The following FOXP4 variants were observed in gnomAD, a reference collection of about 807,000 sequenced individuals.
The protein encoded by FOXP4 is forkhead box protein P4.
FOXP4 carries 25 observed loss-of-function variants against 82.6 expected under a neutral mutation model. That is an observed-to-expected ratio of 0.30 (90% CI 0.22 to 0.42). FOXP4 has a LOEUF of 0.42. Ranked by LOEUF, FOXP4 falls within the 10% of genes least tolerant of loss-of-function variation. FOXP4 has a pLI of 1.00. For synonymous variants in FOXP4, 415 were observed against 388.2 expected (o/e 1.07, Z -0.81); for missense variants, 785 against 900.9 (o/e 0.87, Z 1.65).
chr6:41,589,864 GCTCCC>G lies in FOXP4; in HGVS notation c.1149+17_1149+21del. 1 of 1,610,816 alleles carries G rather than the reference GCTCCC, an allele frequency of 6.2e-7. No individual in the cohort carries two copies. Among genetic ancestry groups the G allele is most frequent in the Non-Finnish European group, 8.5e-7 (1 of 1,179,774 alleles). On this transcript the variant is annotated intron_variant, in intron 10 of 16. Transcript: ENST00000307972. The stretch of plus-strand genomic sequence containing the variant: ...GCCCTTCAGCCAGCCAGTGAGTGCT[GCTCCC>G]CTCCCCGCCCCTCCCAGAGCCTTCC...
At chr6:41,586,292 A>C (rs1766113760) in intron 5 of FOXP4, among the ~76,000 whole-genome samples, 5 of 148,062 alleles carry the variant, frequency 3.4e-5, no homozygotes, top group African/African-American at 5.0e-5. Context: ...CATGCTTCCC[A>C]CCCCCAGCAG....
At position 41,589,869 on chromosome 6, in the gene FOXP4, C is replaced by T. The variant is rs1445650539; in HGVS notation, c.1149+15C>T. On this transcript the variant is annotated intron_variant, in intron 10 of 16. Coordinates refer to ENST00000307972, the MANE Select transcript of FOXP4 (RefSeq NM_001012426.2). ...TCAGCCAGCCAGTGAGTGCTGCTCC[C>T]CTCCCCGCCCCTCCCAGAGCCTTCC... 1.2e-6 allele frequency: 2 copies of T among 1,610,444 alleles called. No homozygotes were observed. Among genetic ancestry groups the T allele is most frequent in the Non-Finnish European group, 8.5e-7 (1 of 1,179,536 alleles).
intron 1 of FOXP4, among the ~76,000 whole-genome samples, chr6:41,563,629 T>C (rs1411066268): frequency 6.6e-6 from 1 of 152,150 alleles, no homozygotes; most frequent in Non-Finnish European, 1.5e-5. Context: ...CTTGACCTCT[T>C]TGGGTCTCAA....
rs1205326117 is a variant in FOXP4, at chr6:41,546,782, G to GCGC, written c.-100_-99insCCG. The GCGC allele has an allele frequency of 6.8e-6, 1 of 147,260 alleles. No homozygotes were observed. The highest frequency in any genetic ancestry group is 1.5e-5 in the Non-Finnish European group (1 of 66,198). The allele number at this position is 147,260 out of a possible 1,614,324, so 9.1% of individuals were successfully genotyped here. On this transcript the variant is annotated 5_prime_UTR_variant, in exon 1 of 17. Coordinates refer to ENST00000307972, the MANE Select transcript of FOXP4 (RefSeq NM_001012426.2). The stretch of plus-strand genomic sequence containing the variant: ...GGAAGGGCAGCCCCGGCGGGCGGCG[G>GCGC]CGGGCCCGGGCTGCGACCGGAGCGA...
At chr6:41,569,848 G>A (rs527796144) in intron 2 of FOXP4, among the ~76,000 whole-genome samples, 2 of 152,208 alleles carry the variant, frequency 1.3e-5, no homozygotes, top group East Asian at 3.9e-4. Context: ...CATCCTGTGA[G>A]GAGATTCAAA....
chr6:41,555,822 G>A (rs964055317), intron 1 of FOXP4, among the ~76,000 whole-genome samples: 7 of 152,324 alleles, frequency 4.6e-5, no homozygotes, highest in Non-Finnish European at 1.0e-4. Flanking sequence ...GTAGTTAAGC[G>A]GAGTAATCTA....
At chr6:41,571,182 C>T (rs930103444) in intron 2 of FOXP4, among the ~76,000 whole-genome samples, 3 of 150,970 alleles carry the variant, frequency 2.0e-5, no homozygotes, top group African/African-American at 7.2e-5. Flanking sequence ...ATTTCACCTC[C>T]TTGCTGGAGG....
Position 41,601,722 on chromosome 6 carries a change from AGCC to A in FOXP4, c.*2787_*2789del, listed in dbSNP as rs1767220168. On this transcript the variant is annotated 3_prime_UTR_variant, in exon 17 of 17. Transcript: ENST00000307972. ...AACTCCCGACCTCAGGTGATCCGCCAGCCTCAGCCTCCCAAAGTGCTGGGATTA... is the reference window on the plus strand; with the variant it reads ...AACTCCCGACCTCAGGTGATCCGCCATCAGCCTCCCAAAGTGCTGGGATTA... 3.9e-5 allele frequency: 6 copies of A among 152,018 alleles called. No homozygotes were observed. The highest frequency in any genetic ancestry group is 5.9e-5 in the Non-Finnish European group (4 of 68,100). The allele number at this position is 152,018 out of a possible 1,614,324, so 9.4% of individuals were successfully genotyped here.
chr6:41,580,077 T>C (rs1051840529), intron 3 of FOXP4, among the ~76,000 whole-genome samples: 8 of 150,156 alleles, frequency 5.3e-5, no homozygotes, highest in African/African-American at 1.7e-4. Context: ...TGGAGTCTCT[T>C]GTTGCCCAGG....
Position 41,591,239 on chromosome 6 carries a change from G to A in FOXP4, c.1453G>A (p.Asp485Asn). 6.2e-7 allele frequency: 1 copy of A among 1,609,788 alleles called. No individual in the cohort carries two copies. Among genetic ancestry groups the A allele is most frequent in the Non-Finnish European group, 8.5e-7 (1 of 1,178,106 alleles). Reference protein sequence around the residue: ...LIRQAILETPDRQLTLNEIYN... With the variant: ...LIRQAILETPNRQLTLNEIYN... Reference sequence around the variant, plus strand: ...CCCGCAGGCCATCCTGGAAACCCCTGACAGGCAGCTGACCCTGAATGAGAT... The same window carrying A: ...CCCGCAGGCCATCCTGGAAACCCCTAACAGGCAGCTGACCCTGAATGAGAT... Residue 485 changes from aspartate (D) to asparagine (N), a missense_variant, in exon 13 of 17, where the codon GAC becomes AAC. Asp to Asn is a conservative substitution (Grantham distance 23). Transcript: ENST00000307972. This position sits in a 1 kb window ranked among gnomAD's most constrained non-coding sequence, Gnocchi z 4.2.
chr6:41,581,046 A>T (rs1032920542), intron 3 of FOXP4, among the ~76,000 whole-genome samples: 1 of 152,218 alleles, frequency 6.6e-6, no homozygotes, highest in Non-Finnish European at 1.5e-5. Flanking sequence ...TGAGGACATG[A>T]TGGGGGCAAA....
Position 41,591,114 on chromosome 6 carries a change from G to A in FOXP4, c.1435-107G>A, listed in dbSNP as rs973089297. The A allele has an allele frequency of 9.0e-6, 8 of 884,018 alleles. No individual in the cohort carries two copies. The African/African-American group carries it at 1.3e-4, about 15-fold the overall frequency. The allele number at this position is 884,018 out of a possible 1,614,324, so 54.8% of individuals were successfully genotyped here. ...ATTTCTGAGCAGGTCTTCTCACAAA[G>A]TGAACTCGGGGCTAGGCAGAAGGGA... On this transcript the variant is annotated intron_variant, in intron 12 of 16. Transcript: ENST00000307972. The surrounding 1 kb of genome is among the most constrained non-coding windows in gnomAD (Gnocchi z 4.2).
At position 41,591,633 on chromosome 6, in the gene FOXP4, T is replaced by G. The variant is rs1463366594; in HGVS notation, c.1536+311T>G. 2.0e-5 allele frequency among the ~76,000 whole-genome samples: 3 copies of G among 151,964 alleles called. No individual in the cohort carries two copies. Among genetic ancestry groups the G allele is most frequent in the African/African-American group, 7.3e-5 (3 of 41,306 alleles). ...ACGAGGTAGGGCCTCTAGGAATTGC[T>G]AATGCCCAAGCTTGATACAGAAGCC... On this transcript the variant is annotated intron_variant, in intron 13 of 16. Transcript: ENST00000307972. The surrounding 1 kb of genome is among the most constrained non-coding windows in gnomAD (Gnocchi z 4.2).
Position 41,598,614 on chromosome 6 carries a change from C to G in FOXP4, c.1896-175C>G, listed in dbSNP as rs533723020. The G allele has an allele frequency of 6.7e-6, 6 of 893,084 alleles. No individual in the cohort carries two copies. The African/African-American group carries it at 8.5e-5, about 13-fold the overall frequency. 55.3% of individuals were successfully genotyped at this position (893,084 alleles called of 1,614,324 possible). ...CCCAGAGCAGTCTCTGCCCCAGGAC[C>G]AGCTTTTCTTTGAAGAGAGCCCTAG... On this transcript the variant is annotated intron_variant, in intron 16 of 16. Transcript: ENST00000307972.
intron 1 of FOXP4, among the ~76,000 whole-genome samples, chr6:41,556,923 C>A (rs1259810648): frequency 1.3e-5 from 2 of 152,204 alleles, no homozygotes; most frequent in Non-Finnish European, 2.9e-5. Flanking sequence ...TAGGGTGTGC[C>A]ATAGGTATGG....
intron 4 of FOXP4, 96 bp from the exon 5 acceptor site, chr6:41,585,335 C>A: frequency 7.9e-7 from 1 of 1,259,334 alleles, no homozygotes. Context: ...TTTAGGGAAA[C>A]TCCCTTCTCC....
Position 41,600,511 on chromosome 6 carries a change from C to G in FOXP4, c.*1575C>G, listed in dbSNP as rs989902737. On this transcript the variant is annotated 3_prime_UTR_variant, in exon 17 of 17. Coordinates refer to ENST00000307972, the MANE Select transcript of FOXP4 (RefSeq NM_001012426.2). Reference sequence around the variant, plus strand: ...TTTCCCAAGAACCCCCCACATACACCCCTCACAAGCCACCCCTCCTGAGAG... The same window carrying G: ...TTTCCCAAGAACCCCCCACATACACGCCTCACAAGCCACCCCTCCTGAGAG... 1 of 152,658 alleles carries G rather than the reference C, an allele frequency of 6.6e-6. No homozygotes were observed. Among genetic ancestry groups the G allele is most frequent in the South Asian group, 2.1e-4 (1 of 4,824 alleles). The allele number at this position is 152,658 out of a possible 1,614,324, so 9.5% of individuals were successfully genotyped here.
chr6:41,594,398 G>A (rs1239871217), intron 13 of FOXP4, among the ~76,000 whole-genome samples: 1 of 152,166 alleles, frequency 6.6e-6, no homozygotes, highest in African/African-American at 2.4e-5. Context: ...GAGGGTTTAT[G>A]AGCTCTTTCC....
In FOXP4 at chr6:41,593,337, A is replaced by T. The variant is rs1766624877; in HGVS notation, c.1537-1533A>T. 6.6e-6 allele frequency among the ~76,000 whole-genome samples: 1 copy of T among 152,058 alleles called. No individual in the cohort carries two copies. ...TTGGGAGCGGGCATGGTGTGGGCCC[A>T]GCCAGCTGCCGTTCATCCAGGGACA... On this transcript the variant is annotated intron_variant, in intron 13 of 16. Transcript: ENST00000307972. The surrounding 1 kb of genome is among the most constrained non-coding windows in gnomAD (Gnocchi z 4.1).
Sources: gnomAD v4.1 joint callset for allele counts (sites outside exome capture counted in the v4.1 genomes callset) on GRCh38, gnomAD v4.1.1 for gene constraint, Gnocchi (gnomAD v3.1) non-coding constraint, MANE v1.5 for transcripts, NCBI Gene and HGNC (gene_info 2026-07-23, HGNC 2026-07-21) for gene names.